Variants in ANO2 observed in about 807,000 individuals in gnomAD.
ANO2 encodes the protein anoctamin-2.
A neutral mutation model predicts 124.2 loss-of-function variants in ANO2; 101 were observed. The ratio of observed to expected loss-of-function variants is 0.81; its 90% confidence interval spans 0.69 to 0.96. The LOEUF (loss-of-function observed/expected upper bound fraction) is 0.96. Among genes scored for constraint, ANO2 ranks in the 40% least tolerant of loss-of-function variants. ANO2 has a pLI of 0.00. For missense variants in ANO2, 1,293 were observed against 1,274.5 expected, an observed-to-expected ratio of 1.01 and a Z score of -0.22; for synonymous variants, 486 against 482.5, an observed-to-expected ratio of 1.01 and a Z score of -0.09.
chr12:5,825,790 G>T (rs539136485), intron 7 of ANO2, among the ~76,000 whole-genome samples: 25 of 152,142 alleles, frequency 1.6e-4, no homozygotes, highest in Admixed American at 2.6e-4. Flanking sequence ...TGTGATTAAG[G>T]TCAATGGGAA....
chr12:5,759,484 A>G (rs996006160), intron 10 of ANO2, among the ~76,000 whole-genome samples: 1 of 151,906 alleles, frequency 6.6e-6, no homozygotes, highest in Non-Finnish European at 1.5e-5. Context: ...GAACCAGGCC[A>G]CACAGCAGGA....
intron 16 of ANO2, among the ~76,000 whole-genome samples, chr12:5,628,166 A>C (rs1319241468): frequency 6.6e-6 from 1 of 152,120 alleles, no homozygotes; most frequent in Admixed American, 6.5e-5. Flanking sequence ...TTTCTTTGTT[A>C]AAACTTATAA....
chr12:5,943,941 G>C (rs7978326), intron 1 of ANO2, among the ~76,000 whole-genome samples: 6,277 of 152,286 alleles, frequency 0.041, 168 homozygotes, highest in South Asian at 0.11. Context: ...CTGGAAACTG[G>C]ACTAGAACTT....
intron 17 of ANO2, 122 bp from the exon 18 acceptor site, chr12:5,613,080 G>A: frequency 1.1e-6 from 1 of 936,878 alleles, no homozygotes; most frequent in Non-Finnish European, 1.7e-6. Flanking sequence ...GTCAGGGCGA[G>A]TGCTAGATCA....
intron 1 of ANO2, among the ~76,000 whole-genome samples, chr12:5,931,219 A>T (rs1033540333): frequency 7.2e-5 from 11 of 152,048 alleles, no homozygotes; most frequent in Admixed American, 3.3e-4. Flanking sequence ...CGTCTGGACC[A>T]CTTCATCTCC....
chr12:5,740,263 G>A (rs930479173), intron 12 of ANO2: 10 of 232,544 alleles, frequency 4.3e-5, no homozygotes, highest in South Asian at 2.3e-4. Context: ...GAGAGACCAC[G>A]CAGCACCTGA....
chr12:5,677,249 G>A (rs1432346358), intron 14 of ANO2, among the ~76,000 whole-genome samples: 1 of 152,126 alleles, frequency 6.6e-6, no homozygotes, highest in Non-Finnish European at 1.5e-5. Flanking sequence ...AGCATAAATT[G>A]CTGTCACAAA....
intron 6 of ANO2, among the ~76,000 whole-genome samples, chr12:5,828,313 G>A (rs909710346): frequency 6.6e-6 from 1 of 152,170 alleles, no homozygotes; most frequent in Non-Finnish European, 1.5e-5. Context: ...CAGTGTGGTA[G>A]CAGAAAGCTC....
rs1939944300 is a variant in ANO2, at chr12:5,898,466, C to A, written c.534+22574G>T. Among the ~76,000 whole-genome samples the A allele has an allele frequency of 3.9e-5, 6 of 152,116 alleles. No homozygotes were observed. In the South Asian group the frequency reaches 1.2e-3, roughly 32 times the overall value. On this transcript the variant is annotated intron_variant, in intron 3 of 24. Coordinates refer to ENST00000682330, the MANE Select transcript of ANO2 (RefSeq NM_001364791.2). ...TCATAGCAATACTATTCATAATATC[C>A]TAAAACAGAAAACAACCCTAACGTC...
intron 14 of ANO2, among the ~76,000 whole-genome samples, chr12:5,694,244 C>T (rs574567265): frequency 8.2e-5 from 4 of 49,020 alleles, no homozygotes; most frequent in Non-Finnish European, 1.3e-4. Context: ...GAAGGGTTTA[C>T]CAGAGACAGA....
At chr12:5,643,385 C>T (rs1217658335) in intron 15 of ANO2, among the ~76,000 whole-genome samples, 1 of 152,084 alleles carries the variant, frequency 6.6e-6, no homozygotes, top group Non-Finnish European at 1.5e-5. Flanking sequence ...TATTAGTTTG[C>T]TCATTTTCAT....
At chr12:5,897,764 G>A (rs1939896872) in intron 3 of ANO2, among the ~76,000 whole-genome samples, 1 of 151,680 alleles carries the variant, frequency 6.6e-6, no homozygotes. Context: ...AATTCTATGT[G>A]GACTGTGGAC....
intron 4 of ANO2, among the ~76,000 whole-genome samples, chr12:5,851,430 G>A (rs942835542): frequency 6.6e-6 from 1 of 152,156 alleles, no homozygotes; most frequent in Non-Finnish European, 1.5e-5. Context: ...GCTCACGCTT[G>A]TAATCCCAAC....
At chr12:5,855,301 C>A (rs12823027) in intron 3 of ANO2, among the ~76,000 whole-genome samples, 4 of 152,202 alleles carry the variant, frequency 2.6e-5, no homozygotes, top group Admixed American at 1.3e-4. Flanking sequence ...TACGTCCCCC[C>A]ACTGAAGAAC....
At chr12:5,676,395 G>A (rs776630955) in intron 14 of ANO2, among the ~76,000 whole-genome samples, 4 of 152,112 alleles carry the variant, frequency 2.6e-5, no homozygotes, top group African/African-American at 4.8e-5. Context: ...GTGCCAAAAC[G>A]CCAGGCTAAG....
intron 13 of ANO2, among the ~76,000 whole-genome samples, chr12:5,734,647 CT>C (rs886867512): frequency 9.9e-5 from 15 of 151,290 alleles, no homozygotes; most frequent in African/African-American, 3.2e-4. Context: ...TCTTTTTTTT[CT>C]TTCTTTTTTT....
rs1277763273 is a variant in ANO2, at chr12:5,635,844, GA to G, written c.1621-498del. ...GAGAAAGTAAATTTGAGTGGTCAGG[GA>G]ATAGTTTGTGGAGACAGTGGGATTT... is the stretch of plus-strand genomic sequence containing the variant. On this transcript the variant is annotated intron_variant, in intron 15 of 24. Transcript: ENST00000682330. The surrounding 1 kb of genome is among the most constrained non-coding windows in gnomAD (Gnocchi z 5.2). Among the ~76,000 whole-genome samples, 5 of 152,194 alleles carry G rather than the reference GA, an allele frequency of 3.3e-5. No individual in the cohort carries two copies. The highest frequency in any genetic ancestry group is 7.3e-5 in the Non-Finnish European group (5 of 68,040).
intron 4 of ANO2, among the ~76,000 whole-genome samples, chr12:5,843,191 T>C (rs531016874): frequency 7.2e-4 from 110 of 152,306 alleles, no homozygotes; most frequent in African/African-American, 2.6e-3. Context: ...CAGAAAGTCA[T>C]GTTGAAGACT....
At chr12:5,931,448 C>T (rs1175516165) in intron 1 of ANO2, among the ~76,000 whole-genome samples, 1 of 152,068 alleles carries the variant, frequency 6.6e-6, no homozygotes, top group Admixed American at 6.6e-5. Context: ...TGGCTCCTTC[C>T]ATCAAGCCCT....
Sources: gnomAD v4.1 joint callset for allele counts (sites outside exome capture counted in the v4.1 genomes callset) on GRCh38, gnomAD v4.1.1 for gene constraint, Gnocchi (gnomAD v3.1) non-coding constraint, MANE v1.5 for transcripts, NCBI Gene and HGNC (gene_info 2026-07-23, HGNC 2026-07-21) for gene names.